Variants in GLDC observed in about 807,000 individuals in gnomAD.
The protein encoded by GLDC is glycine decarboxylase.
In GLDC, 104 loss-of-function variants were observed where a neutral mutation model predicts 121.3. The ratio of observed to expected loss-of-function variants is 0.86; its 90% CI spans 0.73 to 1.01. The LOEUF is 1.01. Ranked by LOEUF, GLDC falls within the 50% of genes least tolerant of loss-of-function variation. The probability of loss-of-function intolerance (pLI) is 0.00; values close to 1 mark genes in which losing one functional copy is unlikely to be tolerated. For missense variants in GLDC, 1,429 were observed against 1,306.6 expected, an observed-to-expected ratio of 1.09 and a Z score of -1.44; for synonymous variants, 546 against 480.6, an observed-to-expected ratio of 1.14 and a Z score of -1.78.
chr9:6,602,308 C>A, intron 7 of GLDC, 103 bp from the exon 8 acceptor site: 2 of 768,976 alleles, frequency 2.6e-6, no homozygotes, highest in Non-Finnish European at 2.3e-6. Context: ...GTGAATTCAG[C>A]AAATGCACTT....
Position 6,610,200 on chromosome 9 carries a change from C to T in GLDC, c.627G>A (p.Leu209=), listed in dbSNP as rs753218325. The part of the protein sequence containing the change: ...EGTAAAEALQ[L]CYRHNKRRKF... ...TTTGAGAGGCCTCTCACCTGTAGCA[C>T]AGCTGCAGTGCCTCTGCGGCTGCAG... Residue 209 remains leucine (L), a synonymous_variant, in exon 4 of 25, where the codon CTG becomes CTA. Coordinates refer to ENST00000321612, the MANE Select transcript of GLDC (RefSeq NM_000170.3). 3.1e-6 allele frequency: 5 copies of T among 1,610,972 alleles called. No homozygotes were observed. The highest frequency in any genetic ancestry group is 1.7e-4 in the Middle Eastern group (1 of 6,058).
At chr9:6,594,719 G>GCAAGCAAGCAAA (rs1044649763) in intron 9 of GLDC, among the ~76,000 whole-genome samples, 3 of 150,552 alleles carry the variant, frequency 2.0e-5, no homozygotes, top group African/African-American at 7.3e-5. Flanking sequence ...AAGCAAGCAA[G>GCAAGCAAGCAAA]CAAGCAAACA....
intron 20 of GLDC, among the ~76,000 whole-genome samples, chr9:6,551,144 G>A (rs950009934): frequency 1.3e-5 from 2 of 152,126 alleles, no homozygotes; most frequent in African/African-American, 4.8e-5. Flanking sequence ...GTTCTTTATT[G>A]TAGTAGCAAA....
intron 7 of GLDC, among the ~76,000 whole-genome samples, chr9:6,604,184 G>C (rs1253705366): frequency 5.9e-5 from 9 of 152,158 alleles, no homozygotes; most frequent in Non-Finnish European, 1.3e-4. Flanking sequence ...GAAGCCTCTA[G>C]GAAGGAACGC....
chr9:6,639,757 T>C (rs1053244175), intron 2 of GLDC, among the ~76,000 whole-genome samples: 20 of 149,750 alleles, frequency 1.3e-4, no homozygotes, highest in African/African-American at 4.7e-4. Flanking sequence ...TATTTAAAAA[T>C]AGAACTTTCA....
intron 2 of GLDC, among the ~76,000 whole-genome samples, chr9:6,640,706 TTAGTTCAGTC>T (rs1267445790): frequency 3.3e-5 from 5 of 152,206 alleles, no homozygotes; most frequent in Admixed American, 2.0e-4. Context: ...TTATCTATGA[TTAGTTCAGTC>T]TAGTTCAGTC....
chr9:6,588,539 C>T lies in GLDC; in HGVS notation c.1665+79G>A, dbSNP rs1818314402. 9 of 1,455,002 alleles carry T rather than the reference C, an allele frequency of 6.2e-6. No homozygotes were observed. The South Asian group carries it at 8.0e-5, about 13-fold the overall frequency. The allele number at this position is 1,455,002 out of a possible 1,614,324, so 90.1% of individuals were successfully genotyped here. On this transcript the variant is annotated intron_variant, in intron 13 of 24. Transcript: ENST00000321612. Reference sequence around the variant, plus strand: ...CCAGCATGGCCACCCCTTTGTTGCTCTTGGAGCATATTAGGTAGGACCAAG... The same window carrying T: ...CCAGCATGGCCACCCCTTTGTTGCTTTTGGAGCATATTAGGTAGGACCAAG...
intron 9 of GLDC, among the ~76,000 whole-genome samples, chr9:6,593,572 G>T (rs1818425540): frequency 6.6e-6 from 1 of 151,942 alleles, no homozygotes; most frequent in Non-Finnish European, 1.5e-5. Flanking sequence ...AAAACGATGG[G>T]ATTATAGGTG....
intron 2 of GLDC, among the ~76,000 whole-genome samples, chr9:6,622,399 G>A (rs988527945): frequency 4.0e-5 from 6 of 149,592 alleles, no homozygotes; most frequent in Middle Eastern, 3.4e-3. Flanking sequence ...GCGCCGCCAC[G>A]CCTGACTGGT....
At chr9:6,594,808 A>T (rs917898103) in intron 9 of GLDC, among the ~76,000 whole-genome samples, 2 of 134,760 alleles carry the variant, frequency 1.5e-5, no homozygotes, top group African/African-American at 3.3e-5. Context: ...GAAATAAAAG[A>T]AAGAAAGAAA....
At chr9:6,596,738 T>A (rs1818500223) in intron 8 of GLDC, among the ~76,000 whole-genome samples, 1 of 152,194 alleles carries the variant, frequency 6.6e-6, no homozygotes. Context: ...GGATAGGAAG[T>A]AACAAGCATT....
At chr9:6,587,919 C>T (rs4543594) in intron 14 of GLDC, among the ~76,000 whole-genome samples, 81,480 of 151,798 alleles carry the variant, frequency 0.54, 22,341 homozygotes, top group African/African-American at 0.57. Context: ...AAAAAAGCTT[C>T]GCTAAAATGG....
chr9:6,540,609 G>T (rs572462216), intron 21 of GLDC: 2 of 181,158 alleles, frequency 1.1e-5, no homozygotes, highest in East Asian at 2.7e-4. Flanking sequence ...CGTATATATA[G>T]GTATGGATAT....
At position 6,558,373 on chromosome 9, in the gene GLDC, G is replaced by A. The variant is rs1255515067; in HGVS notation, c.2052+186C>T. 4.1e-6 allele frequency: 3 copies of A among 734,196 alleles called. No individual in the cohort carries two copies. The Admixed American group carries it at 5.9e-5, about 14-fold the overall frequency. The allele number at this position is 734,196 out of a possible 1,614,324, so 45.5% of individuals were successfully genotyped here. A position where few individuals can be genotyped will look rare whatever the true frequency, so the allele number is the denominator to read the frequency against. On this transcript the variant is annotated intron_variant, in intron 17 of 24. Transcript: ENST00000321612. ...TTCATTCAGTTTTTTACACAAGCTG[G>A]AATTAGAAAACGGGGATTTCTCCCT...
intron 2 of GLDC, among the ~76,000 whole-genome samples, chr9:6,629,929 C>CTATATATATATATGTATATATATATATA (rs60994714): frequency 5.9e-5 from 6 of 102,140 alleles, no homozygotes; most frequent in African/African-American, 1.4e-4. Context: ...TTGCTTTTCA[C>CTATATATATATATGTATATATATATATA]TATATATATA....
chr9:6,564,548 T>C (rs1342018688), intron 16 of GLDC, among the ~76,000 whole-genome samples: 1 of 152,198 alleles, frequency 6.6e-6, no homozygotes, highest in Non-Finnish European at 1.5e-5. Flanking sequence ...CTCTCTAGTA[T>C]CAGCAGATGC....
chr9:6,595,325 T>C (rs901167131), intron 8 of GLDC, among the ~76,000 whole-genome samples: 7 of 152,222 alleles, frequency 4.6e-5, no homozygotes, highest in Non-Finnish European at 1.0e-4. Context: ...CTGGAGTTGT[T>C]ACTATACTAA....
chr9:6,556,266 T>C lies in GLDC; in HGVS notation c.2089A>G (p.Ile697Val). ...KHKENLAAIMITYPSTNGVFE... is the reference protein window; with the variant it reads ...KHKENLAAIMVTYPSTNGVFE... The stretch of plus-strand genomic sequence containing the variant: ...ACCCCATTGGTGGATGGGTATGTAA[T>C]CATGATAGCTGCTAGGTTCTCCTTG... The change falls in exon 18 of 25, where the codon ATT becomes GTT. Residue 697 changes from isoleucine (I) to valine (V), a missense_variant. By Grantham distance (29) the Ile-to-Val change is conservative. Transcript: ENST00000321612. The C allele has an allele frequency of 3.1e-6, 5 of 1,613,520 alleles. No individual in the cohort carries two copies. The highest frequency in any genetic ancestry group is 4.2e-6 in the Non-Finnish European group (5 of 1,179,472).
At chr9:6,598,468 G>A (rs527469262) in intron 8 of GLDC, among the ~76,000 whole-genome samples, 125 of 152,272 alleles carry the variant, frequency 8.2e-4, no homozygotes, top group African/African-American at 2.8e-3. Flanking sequence ...TCCACGATGC[G>A]AAACTAAGAG....
Sources: gnomAD v4.1 joint callset for allele counts (sites outside exome capture counted in the v4.1 genomes callset) on GRCh38, gnomAD v4.1.1 for gene constraint, MANE v1.5 for transcripts, NCBI Gene and HGNC (gene_info 2026-07-23, HGNC 2026-07-21) for gene names.